Variants in TCN2 observed in about 807,000 individuals in gnomAD.
TCN2 encodes transcobalamin 2, also known as transcobalamin-2.
TCN2 carries 34 observed loss-of-function variants against 48.6 expected under a neutral mutation model. That is an observed-to-expected ratio of 0.70 (90% confidence interval 0.53 to 0.93). The LOEUF is 0.93. Among genes scored for constraint, TCN2 ranks in the 40% least tolerant of loss-of-function variants. The pLI, the probability that TCN2 is intolerant of heterozygous loss-of-function variation, is 0.00. For synonymous variants in TCN2, 283 were observed against 212.5 expected (o/e 1.33, Z -2.89); for missense variants, 652 against 526.1 (o/e 1.24, Z -2.34).
At position 30,624,051 on chromosome 22, in the gene TCN2, C is replaced by CATATATATGTAT. The variant is rs1569047255; in HGVS notation, c.1222+969_1222+970insTATATATGTATA. ...ATATATGTATACATATATACACACA[C>CATATATATGTAT]ACACACACACATATATATATATATA... On this transcript the variant is annotated intron_variant, in intron 8 of 8. Coordinates refer to ENST00000215838, the MANE Select transcript of TCN2 (RefSeq NM_000355.4). Among the ~76,000 whole-genome samples the CATATATATGTAT allele has an allele frequency of 3.2e-4, 6 of 18,866 alleles. 2 individuals carry two copies. Among genetic ancestry groups the CATATATATGTAT allele is most frequent in the African/African-American group, 2.4e-3 (5 of 2,102 alleles). The allele number at this position is 18,866 out of a possible 152,430, so 12.4% of individuals were successfully genotyped here.
chr22:30,617,529 C>T (rs756869914), intron 7 of TCN2, 34 bp downstream of exon 7: 2 of 1,613,740 alleles, frequency 1.2e-6, no homozygotes, highest in South Asian at 2.2e-5. Flanking sequence ...TCACCCCACC[C>T]AACCTCACAT....
intron 2 of TCN2, among the ~76,000 whole-genome samples, chr22:30,611,277 C>T (rs1294400032): frequency 3.9e-5 from 6 of 152,168 alleles, no homozygotes; most frequent in Non-Finnish European, 8.8e-5. Context: ...TACTACTGTC[C>T]ATCATGTGTC....
chr22:30,623,824 A>C (rs1302308536), intron 8 of TCN2, among the ~76,000 whole-genome samples: 2 of 46,336 alleles, frequency 4.3e-5, no homozygotes, highest in Non-Finnish European at 7.4e-5. Context: ...ACACACACAT[A>C]CACACACATA....
chr22:30,623,194 C>A, intron 8 of TCN2, 111 bp downstream of exon 8: 1 of 953,108 alleles, frequency 1.0e-6, no homozygotes, highest in South Asian at 1.4e-5. Flanking sequence ...GCCACACCTT[C>A]ACAAAATCAC....
rs746163514 is a variant in TCN2 at position 30,609,818 on chromosome 22, C to G, written c.65-1053C>G. Among the ~76,000 whole-genome samples, 4 of 152,192 alleles carry G rather than the reference C, an allele frequency of 2.6e-5. 1 individual carries two copies. In the South Asian group the frequency reaches 8.3e-4, roughly 31 times the overall value. On this transcript the variant is annotated intron_variant, in intron 1 of 8. Coordinates refer to ENST00000215838, the MANE Select transcript of TCN2 (RefSeq NM_000355.4). The stretch of plus-strand genomic sequence containing the variant: ...GCAAAGGATTATGTAGGGTTTCATG[C>G]TGGTGGATGGTCACCTTATAGCAAC...
intron 8 of TCN2, among the ~76,000 whole-genome samples, chr22:30,624,867 G>A (rs150695358): frequency 2.6e-5 from 4 of 152,318 alleles, no homozygotes; most frequent in African/African-American, 9.6e-5. Flanking sequence ...GTTCTCTTTT[G>A]TCTTAGTCCA....
At chr22:30,619,918 C>T (rs1236123001) in intron 7 of TCN2, among the ~76,000 whole-genome samples, 1 of 152,178 alleles carries the variant, frequency 6.6e-6, no homozygotes. Flanking sequence ...ATTTGGGAGG[C>T]TGAGGCAGGA....
At chr22:30,618,285 A>T (rs955355784) in intron 7 of TCN2, among the ~76,000 whole-genome samples, 2 of 145,252 alleles carry the variant, frequency 1.4e-5, no homozygotes, top group Non-Finnish European at 3.0e-5. Flanking sequence ...TTTTTTTTTG[A>T]GACAGAGTCT....
At chr22:30,622,676 C>T (rs2087716678) in intron 7 of TCN2, among the ~76,000 whole-genome samples, 1 of 152,222 alleles carries the variant, frequency 6.6e-6, no homozygotes, top group Admixed American at 6.5e-5. Flanking sequence ...ACATCAGCCC[C>T]CCAGAGAGGG....
chr22:30,614,590 C>A, intron 4 of TCN2, 89 bp downstream of exon 4: 1 of 1,557,120 alleles, frequency 6.4e-7, no homozygotes, highest in Non-Finnish European at 8.7e-7. Flanking sequence ...GGCCCCCACA[C>A]TCACCTTTCC....
In TCN2 at chr22:30,610,898, T is replaced by G; in HGVS notation, c.92T>G (p.Val31Gly). ...CEIPEMDSHL[V>G]EKLGQHLLPW... The stretch of plus-strand genomic sequence containing the variant: ...ATACCAGAGATGGACAGCCATCTGG[T>G]AGAGAAGTTGGGCCAGCACCTCTTA... The change falls in exon 2 of 9, where the codon GTA (valine) becomes GGA (glycine). Residue 31 changes from valine (V) to glycine (G), a missense_variant. Transcript: ENST00000215838. 1.2e-6 allele frequency: 2 copies of G among 1,614,198 alleles called. No homozygotes were observed. Among genetic ancestry groups the G allele is most frequent in the South Asian group, 2.2e-5 (2 of 91,086 alleles).
chr22:30,618,353 A>T (rs1429612857), intron 7 of TCN2, among the ~76,000 whole-genome samples: 6 of 148,456 alleles, frequency 4.0e-5, no homozygotes, highest in East Asian at 2.0e-4. Flanking sequence ...GTTTATTTTT[A>T]TTTATTTATT....
rs557393479 is a variant in TCN2 at position 30,611,026 on chromosome 22, C to G, written c.220C>G (p.His74Asp). 6.2e-7 allele frequency: 1 copy of G among 1,614,152 alleles called. No homozygotes were observed. The highest frequency in any genetic ancestry group is 1.3e-5 in the African/African-American group (1 of 75,058). Residue 74 changes from histidine (H) to aspartate (D), a missense_variant, in exon 2 of 9, where the codon CAC becomes GAC. Physicochemically the swap from His to Asp is moderately conservative, Grantham distance 81. Transcript: ENST00000215838. The part of the protein sequence containing the change: ...QAGTKEDLYL[H>D]SLKLGYQQCL... ...TGGGACCAAGGAAGACCTCTACCTG[C>G]ACAGCCTCAAGCTTGGTTACCAGCA...
chr22:30,607,342 T>A lies in TCN2; in HGVS notation c.11T>A (p.Leu4His), dbSNP rs144098088. 1.2e-6 allele frequency: 2 copies of A among 1,614,174 alleles called. No homozygotes were observed. The highest frequency in any genetic ancestry group is 2.2e-5 in the South Asian group (2 of 91,082). The part of the protein sequence containing the change: MRH[L>H]GAFLFLLGVL... ...CCACCTGCTGCTGCCATGAGGCACC[T>A]TGGGGCCTTCCTCTTCCTTCTGGGG... Residue 4 changes from leucine to histidine, a missense_variant, in exon 1 of 9, where the codon CTT becomes CAT. Physicochemically the swap from Leu to His is moderately conservative, Grantham distance 99. Transcript: ENST00000215838.
chr22:30,623,762 A>G (rs1241028913), intron 8 of TCN2, among the ~76,000 whole-genome samples: 1 of 75,886 alleles, frequency 1.3e-5, no homozygotes, highest in Non-Finnish European at 2.2e-5. Flanking sequence ...ATATATGTAT[A>G]TATATATACA....
intron 7 of TCN2, 57 bp from the exon 8 acceptor site, chr22:30,622,911 C>T (rs2087719150): frequency 1.3e-6 from 2 of 1,573,654 alleles, no homozygotes; most frequent in Admixed American, 1.7e-5. Context: ...AGCACTGCCT[C>T]TCCCCTTAGG....
intron 7 of TCN2, among the ~76,000 whole-genome samples, chr22:30,620,143 CTT>C (rs35127123): frequency 1.3e-4 from 19 of 144,934 alleles, no homozygotes; most frequent in African/African-American, 1.3e-4. Flanking sequence ...GATGACAAAA[CTT>C]TTTTTTTTTT....
rs1569046844 is a variant in TCN2, at chr22:30,623,919, T to TATATATGTATACATATATACACAC, written c.1222+838_1222+861dup. On this transcript the variant is annotated intron_variant, in intron 8 of 8. Transcript: ENST00000215838. ...ATATGTATACATATATATACACACA[T>TATATATGTATACATATATACACAC]ATATATGTATACATATATACACACA... is the stretch of plus-strand genomic sequence containing the variant. Among the ~76,000 whole-genome samples the TATATATGTATACATATATACACAC allele has an allele frequency of 4.2e-4, 5 of 11,930 alleles. 1 individual carries two copies. Among genetic ancestry groups the TATATATGTATACATATATACACAC allele is most frequent in the Admixed American group, 1.8e-3 (2 of 1,136 alleles). 7.8% of individuals were successfully genotyped at this position (11,930 alleles called of 152,430 possible). A position where few individuals can be genotyped will look rare whatever the true frequency, so the allele number is the denominator to read the frequency against.
intron 2 of TCN2, 159 bp downstream of exon 2, chr22:30,611,222 G>T (rs987636587): frequency 1.9e-5 from 17 of 888,982 alleles, no homozygotes; most frequent in Non-Finnish European, 2.9e-5. Flanking sequence ...GAATGAAGGG[G>T]TTGGTTGGAT....
Sources: allele counts gnomAD v4.1 joint callset (sites outside exome capture counted in the v4.1 genomes callset), GRCh38; gene constraint gnomAD v4.1.1; transcripts MANE v1.5; gene names NCBI Gene and HGNC (gene_info 2026-07-23, HGNC 2026-07-21).